SLC43A1: variants seen among roughly 807,000 people sequenced by gnomAD.
The protein encoded by SLC43A1 is large neutral amino acids transporter small subunit 3.
Under a neutral mutation model 59.5 loss-of-function variants are expected in SLC43A1, and 31 were observed. That is an observed-to-expected ratio of 0.52 (90% CI 0.39 to 0.70). The LOEUF is 0.70. Among genes scored for constraint, SLC43A1 ranks in the 30% least tolerant of loss-of-function variants. The pLI is 0.00. For synonymous variants in SLC43A1, 259 were observed against 290.9 expected (o/e 0.89, Z 1.12); for missense variants, 598 against 717.8 (o/e 0.83, Z 1.91).
Position 57,514,711 on chromosome 11 carries a change from C to T in SLC43A1, c.-13-587G>A. ...ACAGTCTCTCGGGCCAAGCCAACAG[C>T]TGCCACGTGGAGGGAGACCCAGGAC... On this transcript the variant is annotated intron_variant, in intron 1 of 14. Coordinates refer to ENST00000278426, the MANE Select transcript of SLC43A1 (RefSeq NM_003627.6). This position sits in a 1 kb window ranked among gnomAD's most constrained non-coding sequence, Gnocchi z 5.5. 1 of 571,962 alleles carries T rather than the reference C, an allele frequency of 1.7e-6. No homozygotes were observed. Among genetic ancestry groups the T allele is most frequent in the Non-Finnish European group, 2.2e-6 (1 of 451,718 alleles). The allele number at this position is 571,962 out of a possible 1,614,324, so 35.4% of individuals were successfully genotyped here. A position where few individuals can be genotyped will look rare whatever the true frequency, so the allele number is the denominator to read the frequency against.
chr11:57,501,666 G>C (rs770430266), intron 2 of SLC43A1, among the ~76,000 whole-genome samples: 3 of 152,210 alleles, frequency 2.0e-5, no homozygotes, highest in Non-Finnish European at 1.5e-5. Flanking sequence ...TAGAGGCAAA[G>C]GCAAAGGCAG....
chr11:57,513,842 G>A (rs1213691060), intron 2 of SLC43A1, 116 bp downstream of exon 2: 4 of 788,488 alleles, frequency 5.1e-6, no homozygotes, highest in Non-Finnish European at 8.6e-6. Context: ...CGAGAAGTGA[G>A]GCTGTCCAAC....
Position 57,513,944 on chromosome 11 carries a change from ATT to A in SLC43A1, c.154+12_154+13del, listed in dbSNP as rs2135236637. The A allele has an allele frequency of 1.3e-5, 6 of 444,872 alleles. No individual in the cohort carries two copies. Among genetic ancestry groups the A allele is most frequent in the Non-Finnish European group, 1.6e-5 (4 of 243,810 alleles). 27.6% of individuals were successfully genotyped at this position (444,872 alleles called of 1,614,324 possible). ...TCCCTCCCCCCAGCCCACCCAGCCC[ATT>A]TTCAGGCATACCTGGGCACGTGCTG... is the stretch of plus-strand genomic sequence containing the variant. On this transcript the variant is annotated intron_variant, in intron 2 of 14. Coordinates refer to ENST00000278426, the MANE Select transcript of SLC43A1 (RefSeq NM_003627.6).
At chr11:57,489,199 C>T (rs1943829481) in intron 12 of SLC43A1, 52 bp downstream of exon 12, 1 of 1,607,530 alleles carries the variant, frequency 6.2e-7, no homozygotes. Flanking sequence ...ATGGACCATC[C>T]CTTTGGAGGA....
chr11:57,514,286 C>T lies in SLC43A1; in HGVS notation c.-13-162G>A. On this transcript the variant is annotated intron_variant, in intron 1 of 14. Coordinates refer to ENST00000278426, the MANE Select transcript of SLC43A1 (RefSeq NM_003627.6). This position sits in a 1 kb window ranked among gnomAD's most constrained non-coding sequence, Gnocchi z 5.5. ...CCCAGCCGGTGCCAAGGAGCTGGCT[C>T]CGCGCGCACTAGCAGTGCCAGAGGT... The T allele has an allele frequency of 1.3e-6, 1 of 778,592 alleles. No individual in the cohort carries two copies. Among genetic ancestry groups the T allele is most frequent in the South Asian group, 1.9e-5 (1 of 52,922 alleles). 48.2% of individuals were successfully genotyped at this position (778,592 alleles called of 1,614,324 possible).
At chr11:57,485,382 G>T in intron 14 of SLC43A1, 140 bp from the exon 15 acceptor site, 2 of 795,178 alleles carry the variant, frequency 2.5e-6, no homozygotes, top group Non-Finnish European at 3.9e-6. Context: ...TGTAGTCATT[G>T]TTCCACCAGT....
rs549942949 is a variant in SLC43A1, at chr11:57,514,233, C to T, written c.-13-109G>A. 6.1e-6 allele frequency: 8 copies of T among 1,302,376 alleles called. No homozygotes were observed. The East Asian group carries it at 1.5e-4, about 25-fold the overall frequency. The allele number at this position is 1,302,376 out of a possible 1,614,324, so 80.7% of individuals were successfully genotyped here. Reference sequence around the variant, plus strand: ...TCGGGCCAGCCCGCGAGGAGCCCCTCATGGAGGCCCCATAGAGCCCTGGGC... The same window carrying T: ...TCGGGCCAGCCCGCGAGGAGCCCCTTATGGAGGCCCCATAGAGCCCTGGGC... On this transcript the variant is annotated intron_variant, in intron 1 of 14. Coordinates refer to ENST00000278426, the MANE Select transcript of SLC43A1 (RefSeq NM_003627.6). This position sits in a 1 kb window ranked among gnomAD's most constrained non-coding sequence, Gnocchi z 5.5.
intron 11 of SLC43A1, among the ~76,000 whole-genome samples, chr11:57,489,608 C>T (rs970100944): frequency 7.9e-5 from 12 of 152,186 alleles, no homozygotes; most frequent in East Asian, 7.7e-4. Flanking sequence ...CGCATCAAAG[C>T]GGGTGCTTTC....
intron 2 of SLC43A1, among the ~76,000 whole-genome samples, chr11:57,505,991 G>A (rs933272379): frequency 1.4e-4 from 21 of 152,170 alleles, no homozygotes; most frequent in African/African-American, 4.3e-4. Context: ...CCTGCTCAGT[G>A]TTCCTTTCCT....
At chr11:57,506,310 C>T (rs1944394485) in intron 2 of SLC43A1, among the ~76,000 whole-genome samples, 1 of 152,140 alleles carries the variant, frequency 6.6e-6, no homozygotes, top group African/African-American at 2.4e-5. Context: ...CACACCATTG[C>T]AGTCCAGCTT....
chr11:57,514,219 C>T lies in SLC43A1; in HGVS notation c.-13-95G>A, dbSNP rs1250477554. 1.4e-6 allele frequency: 2 copies of T among 1,388,932 alleles called. No individual in the cohort carries two copies. The highest frequency in any genetic ancestry group is 1.9e-6 in the Non-Finnish European group (2 of 1,055,410). 86.0% of individuals were successfully genotyped at this position (1,388,932 alleles called of 1,614,324 possible). On this transcript the variant is annotated intron_variant, in intron 1 of 14. Coordinates refer to ENST00000278426, the MANE Select transcript of SLC43A1 (RefSeq NM_003627.6). The surrounding 1 kb of genome is among the most constrained non-coding windows in gnomAD (Gnocchi z 5.5). The stretch of plus-strand genomic sequence containing the variant: ...GCACCCGAGACCTCTCGGGCCAGCC[C>T]GCGAGGAGCCCCTCATGGAGGCCCC...
At position 57,514,084 on chromosome 11, in the gene SLC43A1, G is replaced by A. The variant is rs868626446; in HGVS notation, c.28C>T (p.Arg10Trp). 1.0e-5 allele frequency: 16 copies of A among 1,601,866 alleles called. No individual in the cohort carries two copies. In the Middle Eastern group the frequency reaches 5.0e-4, roughly 50 times the overall value. The change falls in exon 2 of 15, where the codon CGG becomes TGG. Residue 10 changes from arginine (R) to tryptophan (W), a missense_variant. By Grantham distance (101) the Arg-to-Trp change is moderately radical. Transcript: ENST00000278426. The surrounding 1 kb of genome is among the most constrained non-coding windows in gnomAD (Gnocchi z 5.5). ...GTGCAGGCCATCCACCAGCGCCTCC[G>A]GTACGCCTGTTGCAGCGTGGGGGCC... MAPTLQQAY[R>W]RRWWMACTAV...
chr11:57,494,782 T>C (rs985970076), intron 7 of SLC43A1, among the ~76,000 whole-genome samples: 4 of 152,192 alleles, frequency 2.6e-5, no homozygotes, highest in African/African-American at 4.8e-5. Context: ...TCGAGTGCCA[T>C]TGCTGAGGTG....
At chr11:57,508,979 G>T (rs1944459297) in intron 2 of SLC43A1, among the ~76,000 whole-genome samples, 1 of 152,050 alleles carries the variant, frequency 6.6e-6, no homozygotes, top group Non-Finnish European at 1.5e-5. Context: ...AGCCAAGCAT[G>T]GTGGTACACG....
At chr11:57,486,808 C>CA (rs1338989930) in intron 14 of SLC43A1, among the ~76,000 whole-genome samples, 1 of 151,192 alleles carries the variant, frequency 6.6e-6, no homozygotes, top group Non-Finnish European at 1.5e-5. Context: ...GACTCCGTCT[C>CA]AAAAAATAAA....
intron 5 of SLC43A1, 72 bp from the exon 6 acceptor site, chr11:57,497,917 A>G (rs1944138050): frequency 1.7e-6 from 2 of 1,167,468 alleles, no homozygotes; most frequent in Admixed American, 2.1e-5. Context: ...GCCCTGCTCC[A>G]TACAATAGCC....
At chr11:57,500,714 CCA>C in intron 5 of SLC43A1, 63 bp downstream of exon 5, 4 of 1,435,160 alleles carry the variant, frequency 2.8e-6, no homozygotes, top group Non-Finnish European at 3.9e-6. Flanking sequence ...TGCCCTCACC[CCA>C]CTCACTCTGC....
At chr11:57,494,767 T>C (rs1286789603) in intron 7 of SLC43A1, among the ~76,000 whole-genome samples, 1 of 152,122 alleles carries the variant, frequency 6.6e-6, no homozygotes, top group African/African-American at 2.4e-5. Flanking sequence ...TGGGACCACA[T>C]GGCATCGAGT....
intron 14 of SLC43A1, among the ~76,000 whole-genome samples, chr11:57,485,625 C>T (rs1053974001): frequency 6.6e-6 from 1 of 152,064 alleles, no homozygotes; most frequent in Non-Finnish European, 1.5e-5. Context: ...TTCAGGGTGG[C>T]GAGAGGAGGC....
Sources: gnomAD v4.1 joint callset for allele counts (sites outside exome capture counted in the v4.1 genomes callset) on GRCh38, gnomAD v4.1.1 for gene constraint, Gnocchi (gnomAD v3.1) non-coding constraint, MANE v1.5 for transcripts, NCBI Gene and HGNC (gene_info 2026-07-23, HGNC 2026-07-21) for gene names.